SLC9A2: variants seen among roughly 807,000 people sequenced by gnomAD.
SLC9A2 encodes solute carrier family 9 member A2.
Under a neutral mutation model 71.7 loss-of-function variants are expected in SLC9A2, and 42 were observed. The ratio of observed to expected loss-of-function variants is 0.59; its 90% CI spans 0.46 to 0.76. The LOEUF is 0.76. Ranked by LOEUF, SLC9A2 falls within the 30% of genes least tolerant of loss-of-function variation. The pLI, the probability that SLC9A2 is intolerant of heterozygous loss-of-function variation, is 0.00. For synonymous variants in SLC9A2, 396 were observed against 392.5 expected (o/e 1.01, Z -0.10); for missense variants, 829 against 1,017.4 (o/e 0.81, Z 2.52).
In SLC9A2 at chr2:102,682,877, G is replaced by A. The variant is rs140178040; in HGVS notation, c.1005-384G>A. Among the ~76,000 whole-genome samples the A allele has an allele frequency of 6.3e-4, 96 of 152,238 alleles. 1 individual carries two copies. The highest frequency in any genetic ancestry group is 2.0e-3 in the African/African-American group (82 of 41,550). ...ATCCTTTTAGATAATAGAGGAACAG[G>A]GCATATGTGGGAAAATAAATCAGTT... is the stretch of plus-strand genomic sequence containing the variant. On this transcript the variant is annotated intron_variant, in intron 3 of 11. Transcript: ENST00000233969.
intron 1 of SLC9A2, among the ~76,000 whole-genome samples, chr2:102,628,727 G>A (rs1251105843): frequency 4.0e-5 from 6 of 151,878 alleles, no homozygotes; most frequent in Non-Finnish European, 7.4e-5. Flanking sequence ...GTCATTGTCA[G>A]TTTTAGAGAT....
chr2:102,633,470 A>G (rs1676412844), intron 1 of SLC9A2, among the ~76,000 whole-genome samples: 1 of 152,166 alleles, frequency 6.6e-6, no homozygotes, highest in African/African-American at 2.4e-5. Context: ...CCTCATTATG[A>G]CAGTCTCAGA....
intron 1 of SLC9A2, among the ~76,000 whole-genome samples, chr2:102,636,553 G>A (rs553941371): frequency 8.3e-4 from 126 of 152,328 alleles, no homozygotes; most frequent in African/African-American, 2.6e-3. Context: ...CACACAAGGC[G>A]GTTAGGTGGG....
Position 102,657,990 on chromosome 2 carries a change from T to A in SLC9A2, c.716T>A (p.Val239Asp). The stretch of plus-strand genomic sequence containing the variant: ...GTCAATGAGCAGCTCTACATCCTGG[T>A]CTTTGGAGAGTCCCTGCTGAATGAT... ...IHVNEQLYIL[V>D]FGESLLNDAV... Residue 239 changes from valine to aspartate, a missense_variant, in exon 2 of 12, where the codon GTC (valine) becomes GAC (aspartate). Val to Asp is a radical substitution (Grantham distance 152). Around this residue, in one of 3 missense-constraint regions of SLC9A2, gnomAD observed 500 missense variants for 726.3 expected, o/e 0.69. Coordinates refer to ENST00000233969, the MANE Select transcript of SLC9A2 (RefSeq NM_003048.6). The A allele has an allele frequency of 6.2e-7, 1 of 1,613,164 alleles. No homozygotes were observed. The highest frequency in any genetic ancestry group is 8.5e-7 in the Non-Finnish European group (1 of 1,179,528).
intron 3 of SLC9A2, among the ~76,000 whole-genome samples, chr2:102,676,489 A>G (rs976337124): frequency 6.6e-6 from 1 of 152,266 alleles, no homozygotes; most frequent in African/African-American, 2.4e-5. Flanking sequence ...CAGAGAATTT[A>G]TGCAATGGAC....
chr2:102,689,454 T>C (rs1677617951), intron 5 of SLC9A2, among the ~76,000 whole-genome samples: 1 of 152,160 alleles, frequency 6.6e-6, no homozygotes, highest in Non-Finnish European at 1.5e-5. Context: ...ACATGAATCT[T>C]TGCTGATTTA....
In SLC9A2 at chr2:102,708,520, G is replaced by C; in HGVS notation, c.*31G>C. On this transcript the variant is annotated 3_prime_UTR_variant, in exon 12 of 12. Coordinates refer to ENST00000233969, the MANE Select transcript of SLC9A2 (RefSeq NM_003048.6). ...GCAGCGAAAGCAGATCTGAGTGTCT[G>C]ACCCAGGACAGCTGTGGTTTGTCAC... The C allele has an allele frequency of 6.3e-7, 1 of 1,592,148 alleles. No homozygotes were observed. Among genetic ancestry groups the C allele is most frequent in the South Asian group, 1.1e-5 (1 of 87,198 alleles).
At chr2:102,688,905 G>C (rs973345223) in intron 5 of SLC9A2, among the ~76,000 whole-genome samples, 1 of 152,166 alleles carries the variant, frequency 6.6e-6, no homozygotes, top group Non-Finnish European at 1.5e-5. Flanking sequence ...GTACTAAGTG[G>C]TTATCTAGAA....
At chr2:102,621,974 G>A (rs1023506003) in intron 1 of SLC9A2, among the ~76,000 whole-genome samples, 4 of 152,118 alleles carry the variant, frequency 2.6e-5, no homozygotes, top group South Asian at 4.1e-4. Context: ...TAGGTAAACC[G>A]GAAGCAAATC....
intron 7 of SLC9A2, among the ~76,000 whole-genome samples, chr2:102,695,770 AATATATATTATATATATATTAT>A (rs66646733): frequency 0.43 from 42,594 of 99,562 alleles, 9,136 homozygotes; most frequent in East Asian, 0.56. Flanking sequence ...ATATATATAT[AATATATATTATATATATATTAT>A]ATATATATTA....
chr2:102,659,811 G>T (rs1291299494), intron 2 of SLC9A2, among the ~76,000 whole-genome samples: 1 of 152,148 alleles, frequency 6.6e-6, no homozygotes. Flanking sequence ...TTTCCATTCT[G>T]ACTTATGCTC....
chr2:102,690,987 A>G lies in SLC9A2; in HGVS notation c.1426-3427A>G, dbSNP rs1422617798. On this transcript the variant is annotated intron_variant, in intron 5 of 11. Transcript: ENST00000233969. ...TTTCTTCAAAAAAAAAAAAAAAAAA[A>G]GATGAAAAGAATGCTCATGACACTC... 2.1e-5 allele frequency among the ~76,000 whole-genome samples: 3 copies of G among 141,242 alleles called. No homozygotes were observed. In the East Asian group the frequency reaches 6.3e-4, roughly 29 times the overall value. 92.7% of individuals were successfully genotyped at this position (141,242 alleles called of 152,430 possible).
At chr2:102,676,437 GTTGAA>G in intron 3 of SLC9A2, among the ~76,000 whole-genome samples, 1 of 152,316 alleles carries the variant, frequency 6.6e-6, no homozygotes, top group Middle Eastern at 3.4e-3. Flanking sequence ...ATAAACATTA[GTTGAA>G]TTGAATTGAA....
chr2:102,633,959 A>G (rs1676421524), intron 1 of SLC9A2, among the ~76,000 whole-genome samples: 1 of 152,210 alleles, frequency 6.6e-6, no homozygotes, highest in African/African-American at 2.4e-5. Flanking sequence ...ACACATGTAC[A>G]TATAAATGAC....
At chr2:102,657,378 C>T (rs1418610017) in intron 1 of SLC9A2, among the ~76,000 whole-genome samples, 186 bp from the exon 2 acceptor site, 1 of 152,052 alleles carries the variant, frequency 6.6e-6, no homozygotes, top group Non-Finnish European at 1.5e-5. Context: ...TCTACATGTG[C>T]TTCATGAATA....
intron 3 of SLC9A2, among the ~76,000 whole-genome samples, chr2:102,680,018 TC>T (rs1197770367): frequency 4.6e-5 from 7 of 152,210 alleles, no homozygotes; most frequent in African/African-American, 1.7e-4. Flanking sequence ...ACTTTGGTGT[TC>T]ATGTCTTTCC....
intron 7 of SLC9A2, among the ~76,000 whole-genome samples, chr2:102,698,201 G>A (rs887957): frequency 0.77 from 116,887 of 152,102 alleles, 44,940 homozygotes; most frequent in Admixed American, 0.79. Context: ...TAAAAGTAGA[G>A]AAAAGTAAAC....
Position 102,695,186 on chromosome 2 carries a change from A to T in SLC9A2, c.1586+73A>T. 2.9e-6 allele frequency: 3 copies of T among 1,051,524 alleles called. No individual in the cohort carries two copies. In the South Asian group the frequency reaches 4.1e-5, roughly 14 times the overall value. 65.1% of individuals were successfully genotyped at this position (1,051,524 alleles called of 1,614,324 possible). Reference sequence around the variant, plus strand: ...CTGAAAGCAGGACTTACTGATTTGTATTATTTTTTAATTGGAAATCTTTCC... The same window carrying T: ...CTGAAAGCAGGACTTACTGATTTGTTTTATTTTTTAATTGGAAATCTTTCC... On this transcript the variant is annotated intron_variant, in intron 7 of 11. Coordinates refer to ENST00000233969, the MANE Select transcript of SLC9A2 (RefSeq NM_003048.6).
chr2:102,637,606 G>A (rs1209427629), intron 1 of SLC9A2, among the ~76,000 whole-genome samples: 4 of 152,078 alleles, frequency 2.6e-5, no homozygotes, highest in Non-Finnish European at 4.4e-5. Context: ...AGACTCCCAG[G>A]GCAGCAGAGC....
Sources: allele counts gnomAD v4.1 joint callset (sites outside exome capture counted in the v4.1 genomes callset), GRCh38; gene constraint gnomAD v4.1.1; regional missense constraint gnomAD v4.1.1; transcripts MANE v1.5; gene names NCBI Gene and HGNC (gene_info 2026-07-23, HGNC 2026-07-21).